ACTR3C: variants seen among roughly 807,000 people sequenced by gnomAD.
ACTR3C encodes actin related protein 3C, also known as actin-related protein 3C.
In ACTR3C, 18 loss-of-function variants were observed where a neutral mutation model predicts 26.3. The ratio of observed to expected loss-of-function variants is 0.68; its 90% confidence interval spans 0.47 to 1.01. The LOEUF (loss-of-function observed/expected upper bound fraction) is 1.01, where lower values mean the gene tolerates loss of function less well. Ranked by LOEUF, ACTR3C falls within the 50% of genes least tolerant of loss-of-function variation. The pLI is 0.00. For synonymous variants in ACTR3C, 55 were observed against 94.5 expected, an observed-to-expected ratio of 0.58 and a Z score of 2.42; for missense variants, 184 against 250.7, an observed-to-expected ratio of 0.73 and a Z score of 1.80.
the ACTR3C span, among the ~76,000 whole-genome samples, chr7:149,925,840 T>C: frequency 1.3e-5 from 2 of 152,100 alleles, no homozygotes; most frequent in Middle Eastern, 6.8e-3. Context: ...GGCAGGTGGA[T>C]CACCTGAGGT....
At chr7:150,195,141 T>A in the ACTR3C span, among the ~76,000 whole-genome samples, 17 of 144,960 alleles carry the variant, frequency 1.2e-4, no homozygotes, top group Non-Finnish European at 2.3e-4. Flanking sequence ...ATATATATAC[T>A]TTCTGTGAAG....
At chr7:150,305,398 T>C (rs2429321) in intron 1 of ACTR3C, among the ~76,000 whole-genome samples, 7 of 151,894 alleles carry the variant, frequency 4.6e-5, no homozygotes, top group Non-Finnish European at 8.8e-5. Context: ...CTGTGTGCCA[T>C]AGGTGTCTGC....
the ACTR3C span, among the ~76,000 whole-genome samples, chr7:150,113,734 G>A: frequency 3.9e-5 from 6 of 152,100 alleles, no homozygotes; most frequent in African/African-American, 7.2e-5. Flanking sequence ...ATAACATCTC[G>A]ACAAATTTTT....
the ACTR3C span, among the ~76,000 whole-genome samples, chr7:149,928,746 G>A: frequency 6.6e-6 from 1 of 151,520 alleles, no homozygotes; most frequent in East Asian, 2.0e-4. Context: ...AGGAGGCTGG[G>A]GCAGGAGAAT....
At chr7:150,301,972 G>A (rs1795463601) in intron 1 of ACTR3C, among the ~76,000 whole-genome samples, 2 of 152,134 alleles carry the variant, frequency 1.3e-5, no homozygotes, top group Non-Finnish European at 2.9e-5. Context: ...TGTGCCTAAT[G>A]CCACCAAGCT....
At chr7:150,022,034 G>A in the ACTR3C span, among the ~76,000 whole-genome samples, 3 of 151,586 alleles carry the variant, frequency 2.0e-5, no homozygotes, top group East Asian at 3.9e-4. Flanking sequence ...GTTCTTTAAG[G>A]AATCTCCACA....
At chr7:149,892,258 C>G in the ACTR3C span, 1 of 1,444,570 alleles carries the variant, frequency 6.9e-7, no homozygotes, top group Non-Finnish European at 9.4e-7. Context: ...GAAGCAGACA[C>G]CTGTCGGAAA....
chr7:149,945,507 C>G, the ACTR3C span, among the ~76,000 whole-genome samples: 5 of 152,176 alleles, frequency 3.3e-5, no homozygotes, highest in Admixed American at 3.3e-4. Flanking sequence ...AATGCAGTGA[C>G]AAAATCAGAT....
chr7:150,249,119 C>T, intron 6 of ACTR3C, 65 bp from the exon 7 acceptor site: 3 of 506,464 alleles, frequency 5.9e-6, no homozygotes, highest in Non-Finnish European at 1.1e-5. Flanking sequence ...AAAGAGCTCA[C>T]ATTTGTATAC....
At chr7:149,882,489 C>T in the ACTR3C span, among the ~76,000 whole-genome samples, 6 of 152,114 alleles carry the variant, frequency 3.9e-5, no homozygotes, top group South Asian at 2.1e-4. Flanking sequence ...GCCTTTCTCA[C>T]ATCTTCCATC....
intron 6 of ACTR3C, among the ~76,000 whole-genome samples, chr7:150,252,042 C>T (rs1584832512): frequency 6.6e-6 from 1 of 152,094 alleles, no homozygotes; most frequent in Non-Finnish European, 1.5e-5. Flanking sequence ...AGAATTGACA[C>T]CACCTCTTTT....
the ACTR3C span, among the ~76,000 whole-genome samples, chr7:150,084,629 G>C: frequency 2.0e-5 from 3 of 152,260 alleles, no homozygotes; most frequent in East Asian, 5.8e-4. Flanking sequence ...AATAGAACGC[G>C]GGCTGATATG....
At chr7:150,317,211 G>A (rs1451966614) in intron 1 of ACTR3C, among the ~76,000 whole-genome samples, 1 of 151,790 alleles carries the variant, frequency 6.6e-6, no homozygotes, top group Non-Finnish European at 1.5e-5. Flanking sequence ...AGCATGCCCG[G>A]CTAATTTTTT....
chr7:150,248,705 C>T, intron 7 of ACTR3C: 1 of 278,722 alleles, frequency 3.6e-6, no homozygotes, highest in Non-Finnish European at 6.6e-6. Flanking sequence ...TCAAAATGTC[C>T]AGAATACAAT....
At chr7:150,302,574 G>A (rs1307494216) in intron 1 of ACTR3C, among the ~76,000 whole-genome samples, 1 of 151,766 alleles carries the variant, frequency 6.6e-6, no homozygotes, top group Non-Finnish European at 1.5e-5. Context: ...ATAATATTGG[G>A]TGTAAAATCA....
the ACTR3C span, among the ~76,000 whole-genome samples, chr7:150,172,291 A>G: frequency 0.017 from 2,586 of 150,626 alleles, 280 homozygotes; most frequent in African/African-American, 0.062. Context: ...ATAGTTCCAC[A>G]TAGCTGGGGA....
chr7:150,243,142 G>A (rs1265128144), downstream of ACTR3C, among the ~76,000 whole-genome samples: 2 of 152,096 alleles, frequency 1.3e-5, no homozygotes, highest in South Asian at 2.1e-4. Flanking sequence ...ATCAAGTTTC[G>A]TGATTAGTAA....
the ACTR3C span, among the ~76,000 whole-genome samples, chr7:150,085,529 A>C: frequency 6.6e-6 from 1 of 152,222 alleles, no homozygotes; most frequent in Non-Finnish European, 1.5e-5. Flanking sequence ...CTGGATCTCC[A>C]CAAACCCCTA....
rs1834694782 is a variant in ACTR3C at position 150,274,431 on chromosome 7, AAC to A, written c.564+10320_564+10321del. ...TACACTTAAACCATAATATAGTGCA[AAC>A]ATAGCCTTCATGTGCACCAGGAAAC... is the stretch of plus-strand genomic sequence containing the variant. On this transcript the variant is annotated intron_variant, in intron 6 of 7. Coordinates refer to ENST00000683684, the MANE Select transcript of ACTR3C (RefSeq NM_001164458.2). This position sits in a 1 kb window ranked among gnomAD's most constrained non-coding sequence, Gnocchi z 4.1. Among the ~76,000 whole-genome samples the A allele has an allele frequency of 6.6e-6, 1 of 152,224 alleles. No homozygotes were observed. The highest frequency in any genetic ancestry group is 2.4e-5 in the African/African-American group (1 of 41,450).
Sources: gnomAD v4.1 joint callset for allele counts (sites outside exome capture counted in the v4.1 genomes callset) on GRCh38, gnomAD v4.1.1 for gene constraint, Gnocchi (gnomAD v3.1) non-coding constraint, MANE v1.5 for transcripts, NCBI Gene and HGNC (gene_info 2026-07-23, HGNC 2026-07-21) for gene names.